CNTLN: variants seen among roughly 807,000 people sequenced by gnomAD.
CNTLN encodes centlein, centrosomal protein.
A neutral mutation model predicts 180.0 loss-of-function variants in CNTLN; 212 were observed. The observed-to-expected ratio is 1.18, with a 90% CI of 1.05 to 1.32. The LOEUF is 1.32. CNTLN is among the 40% of genes most tolerant of loss of function. The pLI, the probability that CNTLN is intolerant of heterozygous loss-of-function variation, is 0.00. For synonymous variants in CNTLN, 722 were observed against 563.1 expected, an observed-to-expected ratio of 1.28 and a Z score of -3.99; for missense variants, 2,095 against 1,610.9, an observed-to-expected ratio of 1.30 and a Z score of -5.14.
chr9:17,264,049 T>G lies in CNTLN; in HGVS notation c.850-9684T>G, dbSNP rs554089293. Among the ~76,000 whole-genome samples the G allele has an allele frequency of 1.2e-3, 172 of 145,914 alleles. 1 individual carries two copies. Among genetic ancestry groups the G allele is most frequent in the Non-Finnish European group, 1.9e-3 (130 of 66,998 alleles). ...CTGTGCAGAAGCTCTTTAGTTTAAT[T>G]AGATCCCATTTGTCAATTTTGGCTT... On this transcript the variant is annotated intron_variant, in intron 5 of 25. Coordinates refer to ENST00000380647, the MANE Select transcript of CNTLN (RefSeq NM_017738.4).
chr9:17,213,086 G>T, intron 2 of CNTLN, among the ~76,000 whole-genome samples: 1 of 151,704 alleles, frequency 6.6e-6, no homozygotes, highest in East Asian at 1.9e-4. Flanking sequence ...CTTATTTCTC[G>T]CCTTCTGCTA....
intron 2 of CNTLN, among the ~76,000 whole-genome samples, chr9:17,208,785 T>C (rs1315656205): frequency 6.6e-6 from 1 of 152,168 alleles, no homozygotes; most frequent in East Asian, 1.9e-4. Flanking sequence ...ATCCTTTGAA[T>C]TTCTGTGGTA....
chr9:17,288,517 A>G (rs1264287444), intron 6 of CNTLN, among the ~76,000 whole-genome samples: 2 of 142,342 alleles, frequency 1.4e-5, no homozygotes, highest in Non-Finnish European at 3.0e-5. Flanking sequence ...GTAGATGTCT[A>G]TTACGTCCAC....
chr9:17,199,204 T>C (rs1356837516), intron 2 of CNTLN, among the ~76,000 whole-genome samples: 1 of 93,252 alleles, frequency 1.1e-5, no homozygotes, highest in Non-Finnish European at 2.2e-5. Context: ...GTTTCTTGAC[T>C]TTTTTTTTTT....
chr9:17,274,223 T>TTTGAA (rs1374057781), intron 6 of CNTLN, among the ~76,000 whole-genome samples: 1 of 152,134 alleles, frequency 6.6e-6, no homozygotes, highest in East Asian at 1.9e-4. Flanking sequence ...TTGACTTTAA[T>TTTGAA]TTTATTATAT....
At chr9:17,176,647 G>A (rs140290298) in intron 2 of CNTLN, among the ~76,000 whole-genome samples, 5 of 152,270 alleles carry the variant, frequency 3.3e-5, no homozygotes, top group African/African-American at 9.6e-5. Context: ...GGAACAAATT[G>A]TGTAGAGTTG....
intron 12 of CNTLN, among the ~76,000 whole-genome samples, chr9:17,347,160 C>G (rs1029510432): frequency 1.3e-5 from 2 of 152,010 alleles, no homozygotes; most frequent in Admixed American, 6.6e-5. Context: ...TTAATCATGG[C>G]TGGTTTAAAG....
chr9:17,257,281 C>T (rs2132325246), intron 5 of CNTLN, among the ~76,000 whole-genome samples: 1 of 152,210 alleles, frequency 6.6e-6, no homozygotes, highest in Non-Finnish European at 1.5e-5. Flanking sequence ...CCAATGTCAT[C>T]CATGTCCCTA....
chr9:17,188,011 C>T (rs1286459735), intron 2 of CNTLN, among the ~76,000 whole-genome samples: 2 of 145,782 alleles, frequency 1.4e-5, no homozygotes, highest in South Asian at 2.1e-4. Context: ...ATATATACAC[C>T]ATATATATAT....
chr9:17,217,393 A>G (rs532630698), intron 2 of CNTLN, among the ~76,000 whole-genome samples: 3 of 152,386 alleles, frequency 2.0e-5, no homozygotes, highest in Admixed American at 6.5e-5. Flanking sequence ...ATATCTGCAT[A>G]TCGGAGCACA....
chr9:17,364,756 C>G lies in CNTLN; in HGVS notation c.1887-1861C>G, dbSNP rs142165102. Among the ~76,000 whole-genome samples the G allele has an allele frequency of 5.5e-4, 84 of 152,170 alleles. 2 individuals are homozygous for G. Among genetic ancestry groups the G allele is most frequent in the African/African-American group, 1.9e-3 (80 of 41,516 alleles). ...ACATTTTCTTAGTTGTGGAAGCCTC[C>G]CTTTAGGGATGATTGTGTCTTCCTG... On this transcript the variant is annotated intron_variant, in intron 12 of 25. Transcript: ENST00000380647.
At chr9:17,309,781 A>C (rs1391503970) in intron 8 of CNTLN, among the ~76,000 whole-genome samples, 1 of 152,110 alleles carries the variant, frequency 6.6e-6, no homozygotes, top group East Asian at 1.9e-4. Context: ...AGAGCTTAGC[A>C]TATAGAAAAT....
At chr9:17,342,813 CA>C (rs1821590492) in intron 12 of CNTLN, among the ~76,000 whole-genome samples, 1 of 152,206 alleles carries the variant, frequency 6.6e-6, no homozygotes, top group African/African-American at 2.4e-5. Flanking sequence ...CTCCTAGATA[CA>C]TACGCAATGC....
At chr9:17,321,201 A>G (rs1315609159) in intron 8 of CNTLN, among the ~76,000 whole-genome samples, 1 of 152,196 alleles carries the variant, frequency 6.6e-6, no homozygotes, top group African/African-American at 2.4e-5. Flanking sequence ...GCTATACAAT[A>G]TTCGTCACAG....
chr9:17,342,697 CT>C (rs1470284752), intron 12 of CNTLN, among the ~76,000 whole-genome samples: 12 of 152,104 alleles, frequency 7.9e-5, no homozygotes, highest in African/African-American at 2.9e-4. Flanking sequence ...TGGCTCTCAT[CT>C]GTTGGAGGTG....
intron 18 of CNTLN, among the ~76,000 whole-genome samples, chr9:17,423,804 T>A (rs1828895348): frequency 6.6e-6 from 1 of 152,128 alleles, no homozygotes; most frequent in South Asian, 2.1e-4. Flanking sequence ...TTGTGTTGTG[T>A]TCCGCTGTGA....
chr9:17,450,151 C>T (rs1268305207), intron 18 of CNTLN, among the ~76,000 whole-genome samples: 3 of 152,142 alleles, frequency 2.0e-5, no homozygotes, highest in Non-Finnish European at 2.9e-5. Flanking sequence ...CACATCAAGA[C>T]AGATTGGCAT....
chr9:17,144,474 G>A (rs1036951864), intron 2 of CNTLN, among the ~76,000 whole-genome samples: 3 of 151,876 alleles, frequency 2.0e-5, no homozygotes, highest in East Asian at 1.9e-4. Context: ...TGTCATTTCC[G>A]TGATTCTTTA....
At chr9:17,165,945 C>T (rs1820042077) in intron 2 of CNTLN, among the ~76,000 whole-genome samples, 1 of 152,200 alleles carries the variant, frequency 6.6e-6, no homozygotes, top group Admixed American at 6.5e-5. Context: ...TTTGGGCAAG[C>T]CCTCCACCCC....
Sources: allele counts gnomAD v4.1 joint callset (sites outside exome capture counted in the v4.1 genomes callset), GRCh38; gene constraint gnomAD v4.1.1; transcripts MANE v1.5; gene names NCBI Gene and HGNC (gene_info 2026-07-23, HGNC 2026-07-21).